Variants in RPS6KA2 observed in about 807,000 individuals in gnomAD.
The protein encoded by RPS6KA2 is ribosomal protein S6 kinase A2.
In RPS6KA2, 42 loss-of-function variants were observed where a neutral mutation model predicts 91.8. The observed-to-expected ratio is 0.46, with a 90% CI of 0.36 to 0.59. The LOEUF (loss-of-function observed/expected upper bound fraction) is 0.59. Among genes scored for constraint, RPS6KA2 ranks in the 20% least tolerant of loss-of-function variants. The probability of loss-of-function intolerance (pLI) is 0.00; values close to 1 mark genes in which losing one functional copy is unlikely to be tolerated. For missense variants in RPS6KA2, 798 were observed against 978.5 expected, an observed-to-expected ratio of 0.82 and a Z score of 2.46; for synonymous variants, 414 against 393.6, an observed-to-expected ratio of 1.05 and a Z score of -0.61.
At chr6:166,429,716 G>C (rs1241714598) in intron 16 of RPS6KA2, among the ~76,000 whole-genome samples, 2 of 152,114 alleles carry the variant, frequency 1.3e-5, no homozygotes, top group Non-Finnish European at 2.9e-5. Context: ...CTCCCAAAGT[G>C]CTGGGATTAC....
At chr6:166,450,400 TCACCACAGGGAC>T (rs66824226) in intron 13 of RPS6KA2, among the ~76,000 whole-genome samples, 37,333 of 94,954 alleles carry the variant, frequency 0.39, 4,200 homozygotes, top group Middle Eastern at 0.44. Context: ...CCACAGGAGA[TCACCACAGGGAC>T]CACCACAGGG....
At chr6:166,573,534 C>A (rs1332062367) in intron 1 of RPS6KA2, among the ~76,000 whole-genome samples, 1 of 152,258 alleles carries the variant, frequency 6.6e-6, no homozygotes, top group Non-Finnish European at 1.5e-5. Flanking sequence ...CATCCAGGTG[C>A]CTCCCTGCAG....
chr6:166,423,152 A>G lies in RPS6KA2; in HGVS notation c.1743+104T>C. 7.9e-7 allele frequency: 1 copy of G among 1,258,256 alleles called. No individual in the cohort carries two copies. The highest frequency in any genetic ancestry group is 2.3e-5 in the Admixed American group (1 of 43,566). 77.9% of individuals were successfully genotyped at this position (1,258,256 alleles called of 1,614,324 possible). On this transcript the variant is annotated intron_variant, in intron 17 of 20. Transcript: ENST00000265678. The surrounding 1 kb of genome is among the most constrained non-coding windows in gnomAD (Gnocchi z 4.8). ...CCAACACCACTGCTGACGCAGCTCA[A>G]GCCGCCTCTGACATCCCCGCTGTCC... is the stretch of plus-strand genomic sequence containing the variant.
rs890790042 is a variant in RPS6KA2, at chr6:166,662,935, C to T, written c.124-124151G>A. 5.9e-5 allele frequency among the ~76,000 whole-genome samples: 9 copies of T among 152,022 alleles called. No homozygotes were observed. The highest frequency in any genetic ancestry group is 8.8e-5 in the Non-Finnish European group (6 of 68,014). Reference sequence around the variant, plus strand: ...GGGGCCGCCTCTGTGTATGGAGGAACGGCCACGCGAGGACAGGGAGGAGGC... The same window carrying T: ...GGGGCCGCCTCTGTGTATGGAGGAATGGCCACGCGAGGACAGGGAGGAGGC... On this transcript the variant is annotated intron_variant, in intron 2 of 21. Transcript: ENST00000503859. The surrounding 1 kb of genome is among the most constrained non-coding windows in gnomAD (Gnocchi z 4.3).
intron 2 of RPS6KA2, among the ~76,000 whole-genome samples, chr6:166,632,988 G>A (rs1787130321): frequency 6.6e-6 from 1 of 152,240 alleles, no homozygotes; most frequent in Non-Finnish European, 1.5e-5. Flanking sequence ...GCCGAGATGG[G>A]CAGATCACTT....
chr6:166,700,856 C>T (rs547954407), intron 2 of RPS6KA2, among the ~76,000 whole-genome samples: 59 of 152,322 alleles, frequency 3.9e-4, no homozygotes, highest in Non-Finnish European at 7.5e-4. Context: ...TCTCTTTCCC[C>T]CCTCTGCCAC....
At chr6:166,756,240 A>C (rs954488578) in intron 2 of RPS6KA2, among the ~76,000 whole-genome samples, 3 of 152,116 alleles carry the variant, frequency 2.0e-5, no homozygotes, top group African/African-American at 7.2e-5. Context: ...CAGTGAGCCG[A>C]GATCGCACCA....
At position 166,625,864 on chromosome 6, in the gene RPS6KA2, T is replaced by C. The variant is rs943602870; in HGVS notation, c.99+1057A>G. ...ATTTAGGGATGCCATAAGAGAAACT[T>C]TTTAAACAAGTAATTCTCTTCTACT... On this transcript the variant is annotated intron_variant, in intron 1 of 20. Transcript: ENST00000265678. Among the ~76,000 whole-genome samples, 10 of 152,338 alleles carry C rather than the reference T, an allele frequency of 6.6e-5. No homozygotes were observed. In the East Asian group the frequency reaches 1.4e-3, roughly 21 times the overall value.
rs919171084 is a variant in RPS6KA2 at position 166,635,369 on chromosome 6, G to A, written c.124-96585C>T. Among the ~76,000 whole-genome samples the A allele has an allele frequency of 7.9e-5, 12 of 152,348 alleles. No homozygotes were observed. The highest frequency in any genetic ancestry group is 3.4e-3 in the Middle Eastern group (1 of 294). Reference sequence around the variant, plus strand: ...GGGTAGCACAGACAAGCCAGGGTGCGTTCACTCCCAGGCAGGAAGGGCTTT... The same window carrying A: ...GGGTAGCACAGACAAGCCAGGGTGCATTCACTCCCAGGCAGGAAGGGCTTT... On this transcript the variant is annotated intron_variant, in intron 2 of 21. Coordinates refer to the RPS6KA2 transcript ENST00000503859. This position sits in a 1 kb window ranked among gnomAD's most constrained non-coding sequence, Gnocchi z 4.8.
chr6:166,807,845 C>T (rs1444302854), intron 2 of RPS6KA2, among the ~76,000 whole-genome samples: 2 of 152,118 alleles, frequency 1.3e-5, no homozygotes, highest in Non-Finnish European at 2.9e-5. Flanking sequence ...GACAGCTGCT[C>T]CACCCCCAGC....
At chr6:166,476,138 C>T (rs533935396) in intron 10 of RPS6KA2, among the ~76,000 whole-genome samples, 19 of 152,256 alleles carry the variant, frequency 1.2e-4, no homozygotes, top group Admixed American at 5.9e-4. Flanking sequence ...CAGACCCACA[C>T]GGAGGAGAAG....
intron 2 of RPS6KA2, among the ~76,000 whole-genome samples, chr6:166,768,621 G>A (rs1778385211): frequency 6.6e-6 from 1 of 152,038 alleles, no homozygotes; most frequent in South Asian, 2.1e-4. Context: ...GAGTAGGGAG[G>A]GAGAGAGAGA....
intron 2 of RPS6KA2, among the ~76,000 whole-genome samples, chr6:166,672,455 A>G (rs1788498260): frequency 6.6e-6 from 1 of 152,224 alleles, no homozygotes; most frequent in African/African-American, 2.4e-5. Flanking sequence ...AGCTCCAACT[A>G]GCACTGCAGA....
At chr6:166,501,708 T>C (rs1057276501) in intron 6 of RPS6KA2, among the ~76,000 whole-genome samples, 4 of 152,340 alleles carry the variant, frequency 2.6e-5, no homozygotes, top group African/African-American at 9.6e-5. Context: ...TGGGCTGTGA[T>C]ACCTTGACAC....
At chr6:166,676,317 C>CAAAAA (rs34321063) in intron 2 of RPS6KA2, among the ~76,000 whole-genome samples, 8 of 127,388 alleles carry the variant, frequency 6.3e-5, no homozygotes, top group African/African-American at 2.3e-4. Context: ...GACTCTGTCT[C>CAAAAA]AAAAAAAAAA....
At chr6:166,838,139 G>A (rs540759684) in intron 2 of RPS6KA2, among the ~76,000 whole-genome samples, 1 of 152,350 alleles carries the variant, frequency 6.6e-6, no homozygotes, top group African/African-American at 2.4e-5. Flanking sequence ...TGAAAGCCCT[G>A]TACCAGCCGG....
At chr6:166,742,459 C>T (rs1444619308) in intron 2 of RPS6KA2, among the ~76,000 whole-genome samples, 4 of 152,136 alleles carry the variant, frequency 2.6e-5, no homozygotes, top group African/African-American at 4.8e-5. Flanking sequence ...AATGCATTTG[C>T]GTGGCAAAAT....
At chr6:166,421,470 A>G (rs188748863) in intron 17 of RPS6KA2, among the ~76,000 whole-genome samples, 20 of 152,244 alleles carry the variant, frequency 1.3e-4, no homozygotes, top group Admixed American at 1.1e-3. Context: ...CCTACCCCCA[A>G]CCAGAGAGGA....
Position 166,448,796 on chromosome 6 carries a change from G to C in RPS6KA2, c.1260C>G (p.Asp420Glu), listed in dbSNP as rs1249146964. ...ACACTGAGTAGGAGCCCACCCCGAT[G>C]TCCTCCTTGATCTCGTAGCCATCGG... ...HFTDGYEIKEDIGVGSYSVCK... is the reference protein window; with the variant it reads ...HFTDGYEIKEEIGVGSYSVCK... Residue 420 changes from aspartate to glutamate, a missense_variant, in exon 14 of 21, where the codon GAC (aspartate) becomes GAG (glutamate). By Grantham distance (45) the Asp-to-Glu change is conservative. Transcript: ENST00000265678. The surrounding 1 kb of genome is among the most constrained non-coding windows in gnomAD (Gnocchi z 4.7). 1.2e-6 allele frequency: 2 copies of C among 1,613,748 alleles called. No homozygotes were observed. The highest frequency in any genetic ancestry group is 3.3e-5 in the Admixed American group (2 of 59,958).
Sources: gnomAD v4.1 joint callset for allele counts (sites outside exome capture counted in the v4.1 genomes callset) on GRCh38, gnomAD v4.1.1 for gene constraint, Gnocchi (gnomAD v3.1) non-coding constraint, MANE v1.5 for transcripts, NCBI Gene and HGNC (gene_info 2026-07-23, HGNC 2026-07-21) for gene names.